The following ERC2 variants were observed in gnomAD, a reference collection of about 807,000 sequenced individuals.
The protein encoded by ERC2 is ELKS/RAB6-interacting/CAST family member 2.
In ERC2, 42 loss-of-function variants were observed where a neutral mutation model predicts 114.8. The observed-to-expected ratio is 0.37, with a 90% CI of 0.29 to 0.47. The LOEUF (loss-of-function observed/expected upper bound fraction) is 0.47, where lower values mean the gene tolerates loss of function less well. ERC2 is among the 20% of genes least tolerant of loss of function. The pLI is 0.99. For missense variants in ERC2, 939 were observed against 1,150.7 expected (o/e 0.82, Z 2.66); for synonymous variants, 454 against 425.5 (o/e 1.07, Z -0.82).
At chr3:56,102,957 C>T (rs566342234) in intron 6 of ERC2, among the ~76,000 whole-genome samples, 1 of 152,124 alleles carries the variant, frequency 6.6e-6, no homozygotes, top group Non-Finnish European at 1.5e-5. Flanking sequence ...TCTGAGGAAG[C>T]AAACAATGGT....
chr3:56,358,034 G>A (rs1467087110), intron 2 of ERC2, among the ~76,000 whole-genome samples: 1 of 151,972 alleles, frequency 6.6e-6, no homozygotes, highest in Non-Finnish European at 1.5e-5. Flanking sequence ...CAGAGAAAGG[G>A]GGAATGGGTC....
chr3:55,557,777 A>G (rs971654018), intron 17 of ERC2, among the ~76,000 whole-genome samples: 2 of 152,228 alleles, frequency 1.3e-5, no homozygotes, highest in Non-Finnish European at 2.9e-5. Flanking sequence ...TTCCAGCCAC[A>G]GGACCTTTGC....
At chr3:56,450,964 T>C (rs2062804274) in intron 1 of ERC2, among the ~76,000 whole-genome samples, 1 of 152,238 alleles carries the variant, frequency 6.6e-6, no homozygotes, top group African/African-American at 2.4e-5. Flanking sequence ...ACAACATTAT[T>C]CATCGCCCCA....
intron 17 of ERC2, among the ~76,000 whole-genome samples, chr3:55,552,345 T>C (rs17263672): frequency 0.17 from 26,623 of 152,160 alleles, 2,808 homozygotes; most frequent in Middle Eastern, 0.29. Flanking sequence ...GGCCATACAT[T>C]GTTTTCATTT....
intron 2 of ERC2, among the ~76,000 whole-genome samples, chr3:56,416,659 T>TTA (rs2061169129): frequency 9.6e-6 from 1 of 104,304 alleles, no homozygotes; most frequent in Non-Finnish European, 1.9e-5. Flanking sequence ...AAAACATGAT[T>TTA]AAAAAAAAAA....
chr3:56,288,466 A>G (rs61524165), intron 3 of ERC2, among the ~76,000 whole-genome samples: 9,433 of 152,170 alleles, frequency 0.062, 714 homozygotes, highest in African/African-American at 0.18. Context: ...CCTTGTGTCT[A>G]ATGGCTTTCT....
At chr3:56,273,210 T>C (rs1011464453) in intron 3 of ERC2, among the ~76,000 whole-genome samples, 2 of 151,908 alleles carry the variant, frequency 1.3e-5, no homozygotes, top group South Asian at 4.2e-4. Flanking sequence ...CATTAGCAAA[T>C]GTGCCAAGAT....
intron 4 of ERC2, among the ~76,000 whole-genome samples, chr3:56,154,736 A>G (rs2081602449): frequency 6.6e-6 from 1 of 152,230 alleles, no homozygotes; most frequent in African/African-American, 2.4e-5. Context: ...TGCAAATCCT[A>G]GTTCAGGCTT....
chr3:55,584,868 C>T (rs901818971), intron 17 of ERC2, among the ~76,000 whole-genome samples: 35 of 152,340 alleles, frequency 2.3e-4, no homozygotes, highest in African/African-American at 8.4e-4. Context: ...GGAAGATATC[C>T]AAGCGCATGG....
chr3:55,832,856 T>G (rs1241636862), intron 14 of ERC2, among the ~76,000 whole-genome samples: 1 of 152,042 alleles, frequency 6.6e-6, no homozygotes, highest in Non-Finnish European at 1.5e-5. Context: ...GTTAAAAACT[T>G]TGAAAACAAT....
intron 17 of ERC2, among the ~76,000 whole-genome samples, chr3:55,603,370 C>T (rs934543573): frequency 1.3e-5 from 2 of 152,174 alleles, no homozygotes; most frequent in Non-Finnish European, 1.5e-5. Flanking sequence ...CGGTGGCTCA[C>T]GCCTGTAATC....
At chr3:56,419,625 C>G (rs1330879940) in intron 2 of ERC2, among the ~76,000 whole-genome samples, 1 of 152,230 alleles carries the variant, frequency 6.6e-6, no homozygotes, top group Non-Finnish European at 1.5e-5. Flanking sequence ...GAAATGAAGA[C>G]ATGTCTCATA....
intron 17 of ERC2, among the ~76,000 whole-genome samples, chr3:55,682,362 T>A (rs2062098459): frequency 6.6e-6 from 1 of 152,142 alleles, no homozygotes; most frequent in African/African-American, 2.4e-5. Context: ...GATGAGATAC[T>A]TCTGTATTAA....
chr3:55,902,721 C>T (rs1015015217), intron 13 of ERC2, among the ~76,000 whole-genome samples: 1 of 152,190 alleles, frequency 6.6e-6, no homozygotes, highest in Non-Finnish European at 1.5e-5. Flanking sequence ...AAGGAGACTG[C>T]TTTCTGGCCA....
intron 2 of ERC2, among the ~76,000 whole-genome samples, chr3:56,342,608 A>C (rs2058131758): frequency 6.6e-6 from 1 of 152,212 alleles, no homozygotes; most frequent in Non-Finnish European, 1.5e-5. Flanking sequence ...CACAGAAATG[A>C]AACAGTCTAG....
At chr3:55,757,780 ATTAT>A in intron 14 of ERC2, among the ~76,000 whole-genome samples, 1 of 152,258 alleles carries the variant, frequency 6.6e-6, no homozygotes, top group Middle Eastern at 3.4e-3. Flanking sequence ...ATAAACATAA[ATTAT>A]TTATCAATAG....
intron 6 of ERC2, among the ~76,000 whole-genome samples, chr3:56,098,601 A>G (rs1320811764): frequency 2.6e-5 from 4 of 152,198 alleles, no homozygotes; most frequent in Admixed American, 2.6e-4. Flanking sequence ...CTGACTGTTC[A>G]TACCTCTCAT....
chr3:55,735,042 T>C (rs561029503), intron 14 of ERC2, 124 bp from the exon 15 acceptor site: 137 of 1,030,532 alleles, frequency 1.3e-4, no homozygotes, highest in African/African-American at 1.0e-3. Flanking sequence ...GAATACTACT[T>C]AAAACAAACT....
chr3:56,205,798 A>G (rs2048689797), intron 3 of ERC2, among the ~76,000 whole-genome samples: 1 of 152,204 alleles, frequency 6.6e-6, no homozygotes, highest in South Asian at 2.1e-4. Flanking sequence ...AGCTGGTAAG[A>G]GAGATGTAGC....
Sources: allele counts gnomAD v4.1 joint callset (sites outside exome capture counted in the v4.1 genomes callset), GRCh38; gene constraint gnomAD v4.1.1; transcripts MANE v1.5; gene names NCBI Gene and HGNC (gene_info 2026-07-23, HGNC 2026-07-21).